Variants in LTBP2 observed in about 807,000 individuals in gnomAD.
LTBP2 encodes latent transforming growth factor beta binding protein 2.
In LTBP2, 103 loss-of-function variants were observed where a neutral mutation model predicts 210.6. The observed-to-expected ratio is 0.49, with a 90% CI of 0.42 to 0.58. The LOEUF (loss-of-function observed/expected upper bound fraction) is 0.58, where lower values mean the gene tolerates loss of function less well. Among genes scored for constraint, LTBP2 ranks in the 20% least tolerant of loss-of-function variants. The pLI, the probability that LTBP2 is intolerant of heterozygous loss-of-function variation, is 0.00. For missense variants in LTBP2, 2,313 were observed against 2,494.5 expected, an observed-to-expected ratio of 0.93 and a Z score of 1.55; for synonymous variants, 1,007 against 1,015.0, an observed-to-expected ratio of 0.99 and a Z score of 0.15.
At chr14:74,502,462 G>A in intron 34 of LTBP2, 191 bp downstream of exon 34, 1 of 726,974 alleles carries the variant, frequency 1.4e-6, no homozygotes. Flanking sequence ...GATAGTTTAT[G>A]ACGGAGTTGT....
intron 15 of LTBP2, among the ~76,000 whole-genome samples, chr14:74,523,620 C>T (rs2087236109): frequency 6.6e-6 from 1 of 152,144 alleles, no homozygotes; most frequent in African/African-American, 2.4e-5. Flanking sequence ...GAGGCAGACT[C>T]ACTGGGACTC....
chr14:74,538,832 G>A (rs1021890578), intron 8 of LTBP2, among the ~76,000 whole-genome samples: 2 of 152,246 alleles, frequency 1.3e-5, no homozygotes, highest in Admixed American at 1.3e-4. Flanking sequence ...AGCCTAGAAG[G>A]CCACTCTTGT....
intron 3 of LTBP2, among the ~76,000 whole-genome samples, chr14:74,577,796 G>A (rs1161670795): frequency 2.0e-5 from 3 of 151,556 alleles, no homozygotes; most frequent in South Asian, 2.1e-4. Context: ...CATGGCCAGC[G>A]CGCCCAGCTG....
Position 74,604,746 on chromosome 14 carries a change from C to T in LTBP2, c.495-1041G>A, listed in dbSNP as rs1566657646. 3.3e-5 allele frequency among the ~76,000 whole-genome samples: 5 copies of T among 152,162 alleles called. No homozygotes were observed. The South Asian group carries it at 6.2e-4, about 19-fold the overall frequency. ...GCTTAGGTGATCCACCCACCTCGGC[C>T]TCCCAAAGTGCTGGGATTATAGGTG... On this transcript the variant is annotated intron_variant, in intron 1 of 35. Transcript: ENST00000261978.
intron 3 of LTBP2, chr14:74,559,639 G>A (rs536627908): frequency 6.7e-6 from 1 of 149,904 alleles, no homozygotes; most frequent in Admixed American, 6.6e-5. Context: ...AGCTAGGATG[G>A]AGTGGAGACT....
At position 74,503,923 on chromosome 14, in the gene LTBP2, T is replaced by C. The variant is rs1375972472; in HGVS notation, c.4582+3A>G. ...TGGGGGCAGGGATCATGTGTGTCCT[T>C]ACCCTCACACTTCTTGTGGGAAGCA... On this transcript the variant is annotated splice_donor_region_variant and intron_variant, in intron 31 of 35. Coordinates refer to ENST00000261978, the MANE Select transcript of LTBP2 (RefSeq NM_000428.3). The C allele has an allele frequency of 5.0e-6, 8 of 1,613,902 alleles. No individual in the cohort carries two copies. The highest frequency in any genetic ancestry group is 2.5e-6 in the Non-Finnish European group (3 of 1,180,012).
At chr14:74,519,900 A>C (rs958571514) in intron 17 of LTBP2, among the ~76,000 whole-genome samples, 18 of 152,224 alleles carry the variant, frequency 1.2e-4, no homozygotes, top group African/African-American at 4.3e-4. Flanking sequence ...ATTGGAGCCC[A>C]GAGAAGCCTC....
chr14:74,558,750 C>T (rs546908649), intron 3 of LTBP2, among the ~76,000 whole-genome samples: 6 of 152,288 alleles, frequency 3.9e-5, no homozygotes, highest in African/African-American at 1.2e-4. Context: ...CACCAAGATC[C>T]CAGGGTTCAA....
chr14:74,506,417 G>A (rs907001633), intron 27 of LTBP2, among the ~76,000 whole-genome samples: 3 of 151,806 alleles, frequency 2.0e-5, no homozygotes, highest in Admixed American at 6.6e-5. Flanking sequence ...AAGAGGAAGG[G>A]TTACCCCTCA....
intron 3 of LTBP2, among the ~76,000 whole-genome samples, chr14:74,581,193 C>G (rs1424140363): frequency 6.6e-6 from 1 of 152,220 alleles, no homozygotes; most frequent in South Asian, 2.1e-4. Context: ...AGCTCTTCCA[C>G]TTTGGACAAG....
At chr14:74,595,093 A>G (rs1296429422) in intron 2 of LTBP2, among the ~76,000 whole-genome samples, 1 of 152,118 alleles carries the variant, frequency 6.6e-6, no homozygotes, top group African/African-American at 2.4e-5. Flanking sequence ...TTGGCCCCTC[A>G]CTTGCTCTCT....
chr14:74,611,819 T>C lies in LTBP2; in HGVS notation c.126A>G (p.Arg42=). Residue 42 remains arginine, a synonymous_variant, in exon 1 of 36, where the codon AGA becomes AGG. Coordinates refer to ENST00000261978, the MANE Select transcript of LTBP2 (RefSeq NM_000428.3). ...AGHAQRDPVG[R]YEPAGGDANR... ...TCGCGTCTCCACCAGCCGGCTCGTATCTCCCTACGGGGTCCCTTTGGGCAT... is the reference window on the plus strand; with the variant it reads ...TCGCGTCTCCACCAGCCGGCTCGTACCTCCCTACGGGGTCCCTTTGGGCAT... The C allele has an allele frequency of 6.2e-7, 1 of 1,611,540 alleles. No homozygotes were observed. Among genetic ancestry groups the C allele is most frequent in the Non-Finnish European group, 8.5e-7 (1 of 1,179,626 alleles).
chr14:74,612,004 CG>C lies in LTBP2; in HGVS notation c.-61del. On this transcript the variant is annotated 5_prime_UTR_variant, in exon 1 of 36. Coordinates refer to ENST00000261978, the MANE Select transcript of LTBP2 (RefSeq NM_000428.3). ...ACCGCGAAGAGCTTTGTGGTCGGCA[CG>C]CTGGACGCCCGCGGGCTGTTCTCCC... 6.9e-7 allele frequency: 1 copy of C among 1,444,836 alleles called. No individual in the cohort carries two copies. 89.5% of individuals were successfully genotyped at this position (1,444,836 alleles called of 1,614,324 possible). A position where few individuals can be genotyped will look rare whatever the true frequency, so the allele number is the denominator to read the frequency against.
intron 3 of LTBP2, among the ~76,000 whole-genome samples, chr14:74,564,385 A>G (rs865999832): frequency 2.4e-5 from 2 of 82,180 alleles, no homozygotes; most frequent in Non-Finnish European, 2.3e-5. Context: ...ATATATTTAT[A>G]TTTTATATAT....
Position 74,549,931 on chromosome 14 carries a change from T to C in LTBP2, c.1721A>G (p.Glu574Gly). The change falls in exon 8 of 36, where the codon GAG becomes GGG. Residue 574 changes from glutamate (E) to glycine (G), a missense_variant. Physicochemically the swap from Glu to Gly is moderately conservative, Grantham distance 98 (BLOSUM62 -2). Transcript: ENST00000261978. The stretch of plus-strand genomic sequence containing the variant: ...GGCTCCCACACTGCCACAGCAGTCC[T>C]CCTGGGTAGTCAGCTCCAGCAGAGG... ...ANPLLELTTQ[E>G]DCCGSVGAFW... 6.2e-7 allele frequency: 1 copy of C among 1,613,978 alleles called. No homozygotes were observed. Among genetic ancestry groups the C allele is most frequent in the Non-Finnish European group, 8.5e-7 (1 of 1,179,934 alleles).
chr14:74,584,309 G>A (rs1256454056), intron 3 of LTBP2, among the ~76,000 whole-genome samples: 1 of 152,150 alleles, frequency 6.6e-6, no homozygotes, highest in African/African-American at 2.4e-5. Flanking sequence ...GAGTGTGAGA[G>A]GCAGAGTGAC....
Position 74,549,946 on chromosome 14 carries a change from T to C in LTBP2, c.1706A>G (p.Glu569Gly), listed in dbSNP as rs1478439226. 15 of 1,613,552 alleles carry C rather than the reference T, an allele frequency of 9.3e-6. No homozygotes were observed. The highest frequency in any genetic ancestry group is 1.1e-5 in the Non-Finnish European group (13 of 1,179,760). Residue 569 changes from glutamate to glycine, a missense_variant, in exon 8 of 36, where the codon GAG becomes GGG. Physicochemically the swap from Glu to Gly is moderately conservative, Grantham distance 98. Transcript: ENST00000261978. ...VNGQCANPLL[E>G]LTTQEDCCGS... The stretch of plus-strand genomic sequence containing the variant: ...ACAGCAGTCCTCCTGGGTAGTCAGC[T>C]CCAGCAGAGGGTTGGCACACTGGAA...
intron 13 of LTBP2, among the ~76,000 whole-genome samples, chr14:74,526,546 T>C (rs1481945106): frequency 2.6e-5 from 4 of 152,008 alleles, no homozygotes; most frequent in Non-Finnish European, 4.4e-5. Context: ...ACATAGCCAG[T>C]GGACAGAATT....
At chr14:74,519,360 T>C (rs1214467148) in intron 17 of LTBP2, among the ~76,000 whole-genome samples, 1 of 152,052 alleles carries the variant, frequency 6.6e-6, no homozygotes, top group African/African-American at 2.4e-5. Flanking sequence ...GCAACCACCA[T>C]TGGAAAACTG....
Sources: allele counts gnomAD v4.1 joint callset (sites outside exome capture counted in the v4.1 genomes callset), GRCh38; gene constraint gnomAD v4.1.1; transcripts MANE v1.5; gene names NCBI Gene and HGNC (gene_info 2026-07-23, HGNC 2026-07-21).